The following AGMO variants were observed in gnomAD, a reference collection of about 807,000 sequenced individuals.
AGMO encodes glyceryl-ether monooxygenase.
In AGMO, 75 loss-of-function variants were observed where a neutral mutation model predicts 60.2. The observed-to-expected ratio is 1.25, with a 90% CI of 1.03 to 1.51. The LOEUF is 1.51. Ranked by LOEUF, AGMO falls within the 40% of genes most tolerant of loss-of-function variation. The probability of loss-of-function intolerance (pLI) is 0.00; values close to 1 mark genes in which losing one functional copy is unlikely to be tolerated. For synonymous variants in AGMO, 261 were observed against 177.1 expected, an observed-to-expected ratio of 1.47 and a Z score of -3.76; for missense variants, 763 against 525.5, an observed-to-expected ratio of 1.45 and a Z score of -4.42.
intron 3 of AGMO, among the ~76,000 whole-genome samples, chr7:15,534,755 A>C (rs994163498): frequency 1.3e-5 from 2 of 151,864 alleles, no homozygotes; most frequent in African/African-American, 4.8e-5. Context: ...GTCCTTTATG[A>C]AGTATTATTA....
the AGMO span, among the ~76,000 whole-genome samples, chr7:15,119,995 T>C: frequency 6.6e-6 from 1 of 151,442 alleles, no homozygotes; most frequent in Admixed American, 6.6e-5. Context: ...CTGGATCGCC[T>C]ACTTAAGAAC....
rs575183427 is a variant in AGMO, at chr7:15,245,093, T to C, written c.1264-43734A>G. 1.3e-5 allele frequency among the ~76,000 whole-genome samples: 2 copies of C among 152,336 alleles called. 1 individual carries two copies. The highest frequency in any genetic ancestry group is 4.1e-4 in the South Asian group (2 of 4,830). On this transcript the variant is annotated intron_variant, in intron 12 of 12. Transcript: ENST00000342526. ...AAACTAAAGGTTAGCCTGTGGACTA[T>C]CAGGATAAGAATGTATTCCAGATCA... is the stretch of plus-strand genomic sequence containing the variant.
At chr7:15,354,382 A>G (rs1454577633) in intron 12 of AGMO, among the ~76,000 whole-genome samples, 1,331 of 47,702 alleles carry the variant, frequency 0.028, 209 homozygotes, top group Admixed American at 0.04. Flanking sequence ...GTGTGTATAC[A>G]CGTGTGTGTA....
intron 12 of AGMO, among the ~76,000 whole-genome samples, chr7:15,318,230 C>A (rs1781000235): frequency 2.6e-5 from 4 of 151,860 alleles, no homozygotes; most frequent in Admixed American, 2.6e-4. Flanking sequence ...GTCTCGAATC[C>A]TGATCTCAAG....
At chr7:15,417,203 T>C (rs1178642699) in intron 5 of AGMO, among the ~76,000 whole-genome samples, 1 of 152,130 alleles carries the variant, frequency 6.6e-6, no homozygotes, top group Non-Finnish European at 1.5e-5. Context: ...GCATAAAGTG[T>C]AACACAAGGG....
At chr7:15,220,092 A>G (rs1294028138) in intron 12 of AGMO, among the ~76,000 whole-genome samples, 1 of 151,830 alleles carries the variant, frequency 6.6e-6, no homozygotes, top group Admixed American at 6.6e-5. Flanking sequence ...CTTTTATACA[A>G]TATATAATCT....
the AGMO span, among the ~76,000 whole-genome samples, chr7:15,192,257 C>T: frequency 2.6e-4 from 39 of 150,952 alleles, no homozygotes; most frequent in African/African-American, 7.8e-4. Context: ...CACCCTGGCC[C>T]GCCATGCCCC....
chr7:15,296,240 G>C (rs956606805), intron 12 of AGMO, among the ~76,000 whole-genome samples: 1 of 152,096 alleles, frequency 6.6e-6, no homozygotes, highest in African/African-American at 2.4e-5. Flanking sequence ...TAATGTCAGA[G>C]ATAGAGGTCC....
intron 5 of AGMO, among the ~76,000 whole-genome samples, chr7:15,409,735 T>C (rs1000977765): frequency 6.6e-6 from 1 of 151,896 alleles, no homozygotes; most frequent in Middle Eastern, 3.4e-3. Context: ...TGGTGGCTAT[T>C]TATTACAACA....
At chr7:15,249,925 A>G (rs900231537) in intron 12 of AGMO, among the ~76,000 whole-genome samples, 1 of 152,194 alleles carries the variant, frequency 6.6e-6, no homozygotes, top group African/African-American at 2.4e-5. Flanking sequence ...AAAAATGTCT[A>G]AAGAAAGGTT....
At position 15,418,552 on chromosome 7, in the gene AGMO, T is replaced by G; in HGVS notation, c.609+6A>C. 6.4e-7 allele frequency: 1 copy of G among 1,563,200 alleles called. No homozygotes were observed. The highest frequency in any genetic ancestry group is 1.2e-5 in the South Asian group (1 of 86,948). ...TAAAACTTACAAAGATAAAAAAAAG[T>G]TTTACCTCTGTATGGATCCAAAATT... On this transcript the variant is annotated splice_donor_region_variant and intron_variant, in intron 5 of 12. Transcript: ENST00000342526.
At chr7:15,337,395 G>T (rs1331039560) in intron 12 of AGMO, among the ~76,000 whole-genome samples, 1 of 152,136 alleles carries the variant, frequency 6.6e-6, no homozygotes, top group Non-Finnish European at 1.5e-5. Flanking sequence ...GACAGGCAAT[G>T]AGAGGAATGA....
chr7:15,385,550 CT>C lies in AGMO; in HGVS notation c.969del (p.Glu324LysfsTer12), dbSNP rs1455698435. ...GATGAAGATGATGAGAAGGGAACTTCTTTGCCGGTGACCTAGGGAGACAAGA... is the reference window on the plus strand; with the variant it reads ...GATGAAGATGATGAGAAGGGAACTTCTTGCCGGTGACCTAGGGAGACAAGA... The part of the protein sequence containing the change: ...LSEEIPEVTG[K>X]EVPFSSSSSQ... On this transcript the variant is annotated frameshift_variant, in exon 10 of 13. Transcript: ENST00000342526. LOFTEE classifies it high-confidence loss of function. 33 of 1,606,034 alleles carry C rather than the reference CT, an allele frequency of 2.1e-5. No homozygotes were observed. Among genetic ancestry groups the C allele is most frequent in the Non-Finnish European group, 2.7e-5 (32 of 1,173,182 alleles).
intron 8 of AGMO, among the ~76,000 whole-genome samples, chr7:15,390,306 C>T (rs142637235): frequency 5.9e-5 from 9 of 152,266 alleles, no homozygotes; most frequent in Non-Finnish European, 8.8e-5. Context: ...CAGAGTCATG[C>T]ACCCTGGAAG....
intron 10 of AGMO, among the ~76,000 whole-genome samples, chr7:15,382,683 G>A (rs566589018): frequency 7.9e-5 from 12 of 152,118 alleles, no homozygotes; most frequent in Non-Finnish European, 1.5e-4. Context: ...TTTTAGAAGC[G>A]CTGCATGTTT....
chr7:15,341,168 T>C (rs146194036), intron 12 of AGMO, among the ~76,000 whole-genome samples: 2,451 of 152,302 alleles, frequency 0.016, 36 homozygotes, highest in Middle Eastern at 0.031. Context: ...TTGTTACTTA[T>C]GCAAATTTCT....
intron 12 of AGMO, among the ~76,000 whole-genome samples, chr7:15,317,074 T>C (rs79960251): frequency 9.8e-5 from 15 of 152,316 alleles, no homozygotes; most frequent in African/African-American, 3.4e-4. Context: ...TTTACAACTG[T>C]ATTTTCCCTT....
At chr7:15,371,556 G>A (rs942535848) in intron 10 of AGMO, among the ~76,000 whole-genome samples, 6 of 151,736 alleles carry the variant, frequency 4.0e-5, no homozygotes, top group East Asian at 3.9e-4. Context: ...TTACATACCC[G>A]ACTAATTTTT....
intron 12 of AGMO, among the ~76,000 whole-genome samples, chr7:15,332,741 T>C (rs999564144): frequency 1.1e-4 from 17 of 152,190 alleles, no homozygotes; most frequent in African/African-American, 3.9e-4. Flanking sequence ...ACAGTATTTA[T>C]TGTTATTCAA....
Sources: allele counts gnomAD v4.1 joint callset (sites outside exome capture counted in the v4.1 genomes callset), GRCh38; gene constraint gnomAD v4.1.1; transcripts MANE v1.5; gene names NCBI Gene and HGNC (gene_info 2026-07-23, HGNC 2026-07-21).